Variants in GPD2 observed in about 807,000 individuals in gnomAD.
GPD2 encodes the protein glycerol-3-phosphate dehydrogenase 2.
GPD2 carries 54 observed loss-of-function variants against 82.4 expected under a neutral mutation model. The ratio of observed to expected loss-of-function variants is 0.66; its 90% CI spans 0.53 to 0.82. The LOEUF (loss-of-function observed/expected upper bound fraction) is 0.82, where lower values mean the gene tolerates loss of function less well. GPD2 is among the 40% of genes least tolerant of loss of function. The pLI, the probability that GPD2 is intolerant of heterozygous loss-of-function variation, is 0.00. For synonymous variants in GPD2, 288 were observed against 306.1 expected, an observed-to-expected ratio of 0.94 and a Z score of 0.62; for missense variants, 748 against 896.2, an observed-to-expected ratio of 0.83 and a Z score of 2.11.
chr2:156,427,440 G>C, the GPD2 span, among the ~76,000 whole-genome samples: 1 of 152,144 alleles, frequency 6.6e-6, no homozygotes, highest in Non-Finnish European at 1.5e-5. Context: ...ACTTGTTTTA[G>C]TATTTATTAG....
chr2:156,551,746 A>G (rs765849749), intron 8 of GPD2, among the ~76,000 whole-genome samples: 32 of 152,276 alleles, frequency 2.1e-4, no homozygotes, highest in Non-Finnish European at 4.3e-4. Flanking sequence ...CCCTAGGAAA[A>G]CACTAATGAT....
At chr2:156,582,722 C>T (rs565036347) in intron 16 of GPD2, 71 bp from the exon 17 acceptor site, 116 of 1,542,718 alleles carry the variant, frequency 7.5e-5, no homozygotes, top group East Asian at 4.5e-4. Context: ...GCAATTCTAA[C>T]GATTATGATG....
the GPD2 span, among the ~76,000 whole-genome samples, chr2:156,408,707 C>T: frequency 2.1e-5 from 3 of 141,148 alleles, no homozygotes; most frequent in South Asian, 6.8e-4. Flanking sequence ...CCCACTGCAC[C>T]TGGTAAAAAA....
intron 6 of GPD2, among the ~76,000 whole-genome samples, chr2:156,528,600 C>A (rs1465432351): frequency 8.0e-6 from 1 of 124,742 alleles, no homozygotes; most frequent in African/African-American, 3.0e-5. Context: ...CCCCCCACCC[C>A]ACAACAGGCC....
intron 6 of GPD2, among the ~76,000 whole-genome samples, chr2:156,542,881 A>T (rs1686376651): frequency 6.6e-6 from 1 of 151,904 alleles, no homozygotes; most frequent in African/African-American, 2.4e-5. Flanking sequence ...CAATGTTCTT[A>T]TTAATCTGTT....
intron 3 of GPD2, among the ~76,000 whole-genome samples, chr2:156,503,394 C>T (rs1243856895): frequency 6.6e-6 from 1 of 152,102 alleles, no homozygotes; most frequent in Non-Finnish European, 1.5e-5. Flanking sequence ...ATTTCAAGTC[C>T]ATTGAGTTTT....
At chr2:156,508,042 A>G (rs2105264575) in intron 3 of GPD2, among the ~76,000 whole-genome samples, 1 of 152,244 alleles carries the variant, frequency 6.6e-6, no homozygotes, top group Admixed American at 6.5e-5. Context: ...GTTAATCTTC[A>G]CACAGGGAAT....
At chr2:156,555,854 G>A (rs1247650500) in intron 8 of GPD2, among the ~76,000 whole-genome samples, 1 of 152,108 alleles carries the variant, frequency 6.6e-6, no homozygotes, top group Non-Finnish European at 1.5e-5. Context: ...GACTTCCAGG[G>A]TGCTTTTTGG....
intron 1 of GPD2, among the ~76,000 whole-genome samples, chr2:156,451,049 T>G (rs955507418): frequency 6.3e-5 from 9 of 143,268 alleles, no homozygotes; most frequent in African/African-American, 2.3e-4. Flanking sequence ...ATGAAAAGTC[T>G]CCCATGTCTA....
At chr2:156,405,864 A>C in the GPD2 span, among the ~76,000 whole-genome samples, 1 of 152,206 alleles carries the variant, frequency 6.6e-6, no homozygotes, top group Non-Finnish European at 1.5e-5. Flanking sequence ...TGTGACACCC[A>C]GTGCGACAGG....
chr2:156,547,395 A>G (rs946359857), intron 6 of GPD2, among the ~76,000 whole-genome samples: 2 of 152,212 alleles, frequency 1.3e-5, no homozygotes, highest in African/African-American at 4.8e-5. Flanking sequence ...GATGGTATCC[A>G]GCCAGAAGAA....
At chr2:156,455,760 T>A (rs200528489) in intron 1 of GPD2, among the ~76,000 whole-genome samples, 1 of 3,754 alleles carries the variant, frequency 2.7e-4, no homozygotes, top group Non-Finnish European at 0.083. Flanking sequence ...ATCATTTTTG[T>A]TTGTGTTAGA....
chr2:156,422,138 C>G, the GPD2 span, among the ~76,000 whole-genome samples: 1 of 152,116 alleles, frequency 6.6e-6, no homozygotes, highest in African/African-American at 2.4e-5. Flanking sequence ...AAATGTTCAT[C>G]AACTTTGACT....
At chr2:156,547,831 T>C (rs1247265165) in intron 6 of GPD2, among the ~76,000 whole-genome samples, 1 of 152,240 alleles carries the variant, frequency 6.6e-6, no homozygotes, top group Non-Finnish European at 1.5e-5. Context: ...TATAACTGTT[T>C]TCTAAAGGAA....
chr2:156,557,603 G>A, intron 9 of GPD2, 21 bp downstream of exon 9: 5 of 1,378,548 alleles, frequency 3.6e-6, no homozygotes, highest in Non-Finnish European at 5.2e-6. Flanking sequence ...ATTCCTTTAA[G>A]TTTGTCTCTC....
intron 1 of GPD2, among the ~76,000 whole-genome samples, chr2:156,460,637 A>T (rs533969533): frequency 7.9e-4 from 120 of 152,318 alleles, no homozygotes; most frequent in Admixed American, 2.2e-3. Flanking sequence ...AGTGCAAATT[A>T]TAATGAGTTG....
chr2:156,414,358 A>G, the GPD2 span, among the ~76,000 whole-genome samples: 2 of 152,214 alleles, frequency 1.3e-5, no homozygotes, highest in African/African-American at 2.4e-5. Flanking sequence ...TATAAACTGC[A>G]GGTTAAACCC....
At chr2:156,488,764 TGA>T (rs1684041778) in intron 2 of GPD2, among the ~76,000 whole-genome samples, 1 of 152,218 alleles carries the variant, frequency 6.6e-6, no homozygotes, top group Non-Finnish European at 1.5e-5. Flanking sequence ...GGTGTTCATG[TGA>T]GTCTCTTGAC....
At chr2:156,408,412 C>T in the GPD2 span, among the ~76,000 whole-genome samples, 2 of 152,100 alleles carry the variant, frequency 1.3e-5, no homozygotes, top group Non-Finnish European at 2.9e-5. Flanking sequence ...TTGAAAGCAT[C>T]GCCTGGGAAC....
Sources: allele counts gnomAD v4.1 joint callset (sites outside exome capture counted in the v4.1 genomes callset), GRCh38; gene constraint gnomAD v4.1.1; transcripts MANE v1.5; gene names NCBI Gene and HGNC (gene_info 2026-07-23, HGNC 2026-07-21).